Variants in RSPO2 observed in about 807,000 individuals in gnomAD.
RSPO2 encodes R-spondin 2, also known as R-spondin-2.
A neutral mutation model predicts 30.9 loss-of-function variants in RSPO2; 14 were observed. The ratio of observed to expected loss-of-function variants is 0.45; its 90% CI spans 0.30 to 0.71. RSPO2 has a LOEUF of 0.71. Ranked by LOEUF, RSPO2 falls within the 30% of genes least tolerant of loss-of-function variation. The probability of loss-of-function intolerance (pLI) is 0.08; values close to 1 mark genes in which losing one functional copy is unlikely to be tolerated. For synonymous variants in RSPO2, 107 were observed against 96.4 expected, an observed-to-expected ratio of 1.11 and a Z score of -0.64; for missense variants, 264 against 301.9, an observed-to-expected ratio of 0.87 and a Z score of 0.93.
chr8:108,050,896 T>C (rs1180921981), intron 2 of RSPO2, among the ~76,000 whole-genome samples: 1 of 152,194 alleles, frequency 6.6e-6, no homozygotes, highest in African/African-American at 2.4e-5. Context: ...AAGCTACTTG[T>C]TCCTGGGTTC....
At chr8:108,052,774 A>G (rs1812115656) in intron 2 of RSPO2, among the ~76,000 whole-genome samples, 1 of 152,214 alleles carries the variant, frequency 6.6e-6, no homozygotes, top group South Asian at 2.1e-4. Context: ...GATATGAAAT[A>G]ATCGGATCAA....
At chr8:107,903,703 G>C (rs1419099973) in intron 5 of RSPO2, among the ~76,000 whole-genome samples, 2 of 151,996 alleles carry the variant, frequency 1.3e-5, no homozygotes, top group African/African-American at 2.4e-5. Flanking sequence ...CAATGTTTGG[G>C]GGCCCTAATT....
At chr8:108,028,188 C>T (rs887206111) in intron 2 of RSPO2, among the ~76,000 whole-genome samples, 1 of 152,152 alleles carries the variant, frequency 6.6e-6, no homozygotes, top group African/African-American at 2.4e-5. Context: ...TCTGACCTAG[C>T]AATTGACCTT....
intron 5 of RSPO2, among the ~76,000 whole-genome samples, chr8:107,934,853 C>G (rs903867059): frequency 1.3e-5 from 2 of 152,190 alleles, no homozygotes; most frequent in African/African-American, 4.8e-5. Flanking sequence ...GGACATTTAT[C>G]ACTTCCCCAA....
chr8:107,980,220 C>T (rs897116960), intron 3 of RSPO2, among the ~76,000 whole-genome samples: 1 of 152,106 alleles, frequency 6.6e-6, no homozygotes, highest in Non-Finnish European at 1.5e-5. Flanking sequence ...CATTCAATTC[C>T]ATTCCATTTT....
chr8:108,057,451 G>A (rs1259476803), intron 2 of RSPO2, among the ~76,000 whole-genome samples: 2 of 151,912 alleles, frequency 1.3e-5, no homozygotes, highest in African/African-American at 4.8e-5. Flanking sequence ...CATTTTTAAA[G>A]AACTACAGTA....
chr8:107,966,474 A>G (rs1813810783), intron 3 of RSPO2, among the ~76,000 whole-genome samples: 1 of 152,230 alleles, frequency 6.6e-6, no homozygotes, highest in Non-Finnish European at 1.5e-5. Flanking sequence ...GAACGTTTTC[A>G]GAAAGTTAAC....
At chr8:108,037,857 C>A (rs1811645608) in intron 2 of RSPO2, among the ~76,000 whole-genome samples, 1 of 152,146 alleles carries the variant, frequency 6.6e-6, no homozygotes, top group Admixed American at 6.5e-5. Context: ...AGGTTTTAAG[C>A]CCGCTGTTGA....
chr8:107,932,967 A>G (rs1204026827), intron 5 of RSPO2, among the ~76,000 whole-genome samples: 1 of 152,184 alleles, frequency 6.6e-6, no homozygotes, highest in African/African-American at 2.4e-5. Flanking sequence ...AAGTGGCAAG[A>G]AGATAGAGAA....
At chr8:107,942,819 A>G (rs948255196) in intron 5 of RSPO2, among the ~76,000 whole-genome samples, 2 of 152,234 alleles carry the variant, frequency 1.3e-5, no homozygotes, top group Non-Finnish European at 1.5e-5. Context: ...TAGCTTGTCC[A>G]TGCATTCAAA....
At chr8:108,054,528 C>T (rs895176667) in intron 2 of RSPO2, among the ~76,000 whole-genome samples, 21 of 152,178 alleles carry the variant, frequency 1.4e-4, no homozygotes, top group Non-Finnish European at 2.9e-5. Flanking sequence ...CCACCCCTAA[C>T]TCCACGAGGG....
intron 2 of RSPO2, among the ~76,000 whole-genome samples, chr8:108,068,267 C>T (rs1185513890): frequency 6.6e-6 from 1 of 152,148 alleles, no homozygotes; most frequent in African/African-American, 2.4e-5. Context: ...TTACATACTC[C>T]AAACACCGTA....
intron 2 of RSPO2, among the ~76,000 whole-genome samples, chr8:107,994,629 A>T (rs932585884): frequency 2.0e-5 from 3 of 152,176 alleles, no homozygotes; most frequent in Admixed American, 6.5e-5. Context: ...TTAAAAATTC[A>T]TGTAACTTTT....
intron 3 of RSPO2, chr8:107,983,991 G>A: frequency 4.1e-6 from 3 of 732,712 alleles, no homozygotes; most frequent in African/African-American, 3.6e-5. Context: ...CCACCAAAAG[G>A]GGAAAAGAGG....
chr8:107,959,179 C>A (rs1229406973), intron 4 of RSPO2, among the ~76,000 whole-genome samples: 1 of 152,132 alleles, frequency 6.6e-6, no homozygotes, highest in Non-Finnish European at 1.5e-5. Context: ...GCTTGCTTTG[C>A]ATTTTCTGAT....
At chr8:107,909,846 G>A (rs775464962) in intron 5 of RSPO2, among the ~76,000 whole-genome samples, 2 of 152,130 alleles carry the variant, frequency 1.3e-5, no homozygotes, top group African/African-American at 4.8e-5. Context: ...AAGGTGAGAT[G>A]GTGAACACTC....
chr8:108,060,950 G>C (rs564713668), intron 2 of RSPO2, among the ~76,000 whole-genome samples: 7,958 of 151,658 alleles, frequency 0.052, 804 homozygotes, highest in African/African-American at 0.18. Flanking sequence ...CATAAGTGAA[G>C]GAGAAATAAA....
chr8:107,949,785 G>A (rs1040702717), intron 5 of RSPO2, among the ~76,000 whole-genome samples: 1 of 152,084 alleles, frequency 6.6e-6, no homozygotes, highest in African/African-American at 2.4e-5. Flanking sequence ...ACATTATTTG[G>A]GCGATGGTTA....
At chr8:107,956,708 G>A (rs1813445098) in intron 5 of RSPO2, among the ~76,000 whole-genome samples, 1 of 152,162 alleles carries the variant, frequency 6.6e-6, no homozygotes, top group African/African-American at 2.4e-5. Flanking sequence ...GGACCACATT[G>A]CTGGAAGAGG....
Sources: allele counts gnomAD v4.1 joint callset (sites outside exome capture counted in the v4.1 genomes callset), GRCh38; gene constraint gnomAD v4.1.1; transcripts MANE v1.5; gene names NCBI Gene and HGNC (gene_info 2026-07-23, HGNC 2026-07-21).